Variants in COPS3 observed in about 807,000 individuals in gnomAD.
COPS3 encodes COP9 signalosome subunit 3.
A neutral mutation model predicts 58.2 loss-of-function variants in COPS3; 10 were observed. The ratio of observed to expected loss-of-function variants is 0.17; its 90% CI spans 0.11 to 0.29. COPS3 has a LOEUF of 0.29. Among genes scored for constraint, COPS3 ranks in the 10% least tolerant of loss-of-function variants. The pLI is 1.00. For synonymous variants in COPS3, 187 were observed against 181.7 expected (o/e 1.03, Z -0.24); for missense variants, 333 against 510.1 (o/e 0.65, Z 3.34).
At position 17,260,527 on chromosome 17, in the gene COPS3, G is replaced by A; in HGVS notation, c.763-53C>T. On this transcript the variant is annotated intron_variant, in intron 7 of 11. Transcript: ENST00000268717. ...CAGATTAAAACTTCAGAAGAGGCCAGGTGTGGGGACTCACGCCTGTAATCT... is the reference window on the plus strand; with the variant it reads ...CAGATTAAAACTTCAGAAGAGGCCAAGTGTGGGGACTCACGCCTGTAATCT... 2.5e-6 allele frequency: 4 copies of A among 1,575,704 alleles called. No individual in the cohort carries two copies. In the South Asian group the frequency reaches 3.4e-5, roughly 13 times the overall value.
In COPS3 at chr17:17,247,045, G is replaced by A. The variant is rs2047738983; in HGVS notation, c.*53C>T. 4 of 1,524,806 alleles carry A rather than the reference G, an allele frequency of 2.6e-6. No homozygotes were observed. Among genetic ancestry groups the A allele is most frequent in the East Asian group, 2.2e-5 (1 of 44,490 alleles). The allele number at this position is 1,524,806 out of a possible 1,614,324, so 94.5% of individuals were successfully genotyped here. Reference sequence around the variant, plus strand: ...CCTCTCTGCTGCCCTCCGAACACTTGTCACTGGCCAAGATGGTAGTTTCTC... The same window carrying A: ...CCTCTCTGCTGCCCTCCGAACACTTATCACTGGCCAAGATGGTAGTTTCTC... On this transcript the variant is annotated 3_prime_UTR_variant, in exon 12 of 12. Coordinates refer to ENST00000268717, the MANE Select transcript of COPS3 (RefSeq NM_003653.4).
In COPS3 at chr17:17,281,169, C is replaced by T. The variant is rs1226459282; in HGVS notation, c.18G>A (p.Glu6=). ...GCTGTCGGACACTGTTCACGAACTGCTCCAGGGCAGACGCCATGTTTTCCC... is the reference window on the plus strand; with the variant it reads ...GCTGTCGGACACTGTTCACGAACTGTTCCAGGGCAGACGCCATGTTTTCCC... MASAL[E]QFVNSVRQLS... The change falls in exon 1 of 12, where the codon GAG becomes GAA. Residue 6 remains glutamate (E), a synonymous_variant. Transcript: ENST00000268717. 1.2e-6 allele frequency: 2 copies of T among 1,611,608 alleles called. No individual in the cohort carries two copies. Among genetic ancestry groups the T allele is most frequent in the Middle Eastern group, 1.7e-4 (1 of 6,060 alleles).
intron 7 of COPS3, 124 bp from the exon 8 acceptor site, chr17:17,260,598 G>T (rs1378318475): frequency 3.8e-6 from 3 of 789,052 alleles, no homozygotes; most frequent in Admixed American, 2.4e-5. Flanking sequence ...GGGGTCAGGG[G>T]TTAAACACCA....
chr17:17,274,870 A>G (rs2145256600), intron 2 of COPS3, among the ~76,000 whole-genome samples: 1 of 151,378 alleles, frequency 6.6e-6, no homozygotes. Flanking sequence ...AGTGTTTCTC[A>G]TGGCAGTCTG....
chr17:17,280,099 C>G (rs1435894828), intron 1 of COPS3, among the ~76,000 whole-genome samples: 1 of 151,972 alleles, frequency 6.6e-6, no homozygotes, highest in Non-Finnish European at 1.5e-5. Context: ...AACCCCATCT[C>G]TATTAAAAAT....
Position 17,246,642 on chromosome 17 carries a change from A to C in COPS3, c.*456T>G, listed in dbSNP as rs1275989002. On this transcript the variant is annotated 3_prime_UTR_variant, in exon 12 of 12. Transcript: ENST00000268717. ...GTCTGTCTGGCCTTTCTTTTCTTTTATTTTCTGAAGACAATGATTACAACT... is the reference window on the plus strand; with the variant it reads ...GTCTGTCTGGCCTTTCTTTTCTTTTCTTTTCTGAAGACAATGATTACAACT... 6.6e-6 allele frequency among the ~76,000 whole-genome samples: 1 copy of C among 151,914 alleles called. No homozygotes were observed. The highest frequency in any genetic ancestry group is 1.5e-5 in the Non-Finnish European group (1 of 67,984).
chr17:17,260,616 C>G (rs926307670), intron 7 of COPS3, 142 bp from the exon 8 acceptor site: 2 of 642,424 alleles, frequency 3.1e-6, no homozygotes, highest in African/African-American at 3.7e-5. Flanking sequence ...CCAGCCTGAC[C>G]AACATGAAGA....
At position 17,264,962 on chromosome 17, in the gene COPS3, CA is replaced by C; in HGVS notation, c.460del (p.Cys154AlafsTer13). Reference sequence around the variant, plus strand: ...AAGATATGGAAGGGCAGGCTTAAAGCATTTTGCTAGCAAACAAAGCTGTGAA... The same window carrying C: ...AAGATATGGAAGGGCAGGCTTAAAGCTTTTGCTAGCAAACAAAGCTGTGAA... The part of the protein sequence containing the change: ...DLCQLCLLAK[C>X]FKPALPYLDV... On this transcript the variant is annotated frameshift_variant, in exon 6 of 12. Coordinates refer to ENST00000268717, the MANE Select transcript of COPS3 (RefSeq NM_003653.4). LOFTEE classifies it high-confidence loss of function. 6.2e-7 allele frequency: 1 copy of C among 1,612,286 alleles called. No homozygotes were observed. Among genetic ancestry groups the C allele is most frequent in the South Asian group, 1.1e-5 (1 of 90,736 alleles).
At chr17:17,280,400 C>CAAAA (rs377400440) in intron 1 of COPS3, among the ~76,000 whole-genome samples, 5 of 108,226 alleles carry the variant, frequency 4.6e-5, no homozygotes, top group Non-Finnish European at 7.8e-5. Context: ...GACTCCGTCT[C>CAAAA]AAAAAAAAAA....
intron 2 of COPS3, among the ~76,000 whole-genome samples, chr17:17,272,433 C>G (rs745315075): frequency 3.3e-5 from 5 of 151,636 alleles, no homozygotes; most frequent in Admixed American, 6.6e-5. Context: ...AAAAAAAAAA[C>G]TCCTTTATGT....
At chr17:17,272,965 A>G (rs1180238979) in intron 2 of COPS3, among the ~76,000 whole-genome samples, 1 of 152,248 alleles carries the variant, frequency 6.6e-6, no homozygotes. Context: ...AAACAAATTT[A>G]AGCTATTTAA....
Position 17,254,924 on chromosome 17 carries a change from G to C in COPS3, c.958C>G (p.Gln320Glu), listed in dbSNP as rs1166330231. The C allele has an allele frequency of 1.9e-6, 3 of 1,611,908 alleles. No individual in the cohort carries two copies. The highest frequency in any genetic ancestry group is 1.3e-5 in the African/African-American group (1 of 74,930). Reference sequence around the variant, plus strand: ...AACTGCACACGACTTGCCATATCTTGTAATGATAGAGTTAAAAAGGTCTGA... The same window carrying C: ...AACTGCACACGACTTGCCATATCTTCTAATGATAGAGTTAAAAAGGTCTGA... The part of the protein sequence containing the change: ...LTKTFLTLSL[Q>E]DMASRVQLSG... Residue 320 changes from glutamine to glutamate, a missense_variant, in exon 9 of 12, where the codon CAA becomes GAA. By Grantham distance (29) the Gln-to-Glu change is conservative (BLOSUM62 2). Coordinates refer to ENST00000268717, the MANE Select transcript of COPS3 (RefSeq NM_003653.4).
intron 5 of COPS3, among the ~76,000 whole-genome samples, chr17:17,267,014 A>G (rs1244155903): frequency 1.3e-5 from 2 of 148,918 alleles, no homozygotes; most frequent in East Asian, 4.3e-4. Context: ...GGCAGGCTCC[A>G]CAATTTTAAA....
chr17:17,247,268 G>C (rs1369735497), intron 11 of COPS3, 117 bp from the exon 12 acceptor site: 3 of 1,087,140 alleles, frequency 2.8e-6, no homozygotes, highest in Non-Finnish European at 4.2e-6. Flanking sequence ...CTGTGAACAA[G>C]GGCAGGCAAT....
intron 2 of COPS3, among the ~76,000 whole-genome samples, chr17:17,272,264 A>T (rs1482267845): frequency 6.6e-6 from 1 of 152,000 alleles, no homozygotes; most frequent in Non-Finnish European, 1.5e-5. Flanking sequence ...CTCTACAAAA[A>T]ATAGAAAAAT....
intron 2 of COPS3, among the ~76,000 whole-genome samples, chr17:17,271,833 T>G (rs1356291249): frequency 1.3e-5 from 1 of 78,222 alleles, no homozygotes; most frequent in Non-Finnish European, 2.7e-5. Flanking sequence ...AAAAAATCTA[T>G]ATATATCTAT....
chr17:17,254,033 A>AC (rs1392574191), intron 9 of COPS3, among the ~76,000 whole-genome samples: 1 of 151,828 alleles, frequency 6.6e-6, no homozygotes, highest in Non-Finnish European at 1.5e-5. Flanking sequence ...AGGGCTGGGC[A>AC]CAGTGGCTCA....
intron 6 of COPS3, 69 bp downstream of exon 6, chr17:17,264,733 A>T: frequency 7.1e-7 from 1 of 1,401,454 alleles, no homozygotes; most frequent in South Asian, 1.4e-5. Context: ...CTCTAGCCAC[A>T]AACCTATGGG....
At chr17:17,270,126 C>T (rs1201502606) in intron 4 of COPS3, among the ~76,000 whole-genome samples, 1 of 151,604 alleles carries the variant, frequency 6.6e-6, no homozygotes, top group Non-Finnish European at 1.5e-5. Context: ...CACTGCACTC[C>T]AGCCTAGGCA....
Sources: gnomAD v4.1 joint callset for allele counts (sites outside exome capture counted in the v4.1 genomes callset) on GRCh38, gnomAD v4.1.1 for gene constraint, MANE v1.5 for transcripts, NCBI Gene and HGNC (gene_info 2026-07-23, HGNC 2026-07-21) for gene names.